SLC25A20: variants seen among roughly 807,000 people sequenced by gnomAD.
SLC25A20 encodes mitochondrial carnitine/acylcarnitine carrier protein.
SLC25A20 carries 29 observed loss-of-function variants against 39.7 expected under a neutral mutation model. The ratio of observed to expected loss-of-function variants is 0.73; its 90% CI spans 0.54 to 1.00. SLC25A20 has a LOEUF of 1.00. Among genes scored for constraint, SLC25A20 ranks in the 50% least tolerant of loss-of-function variants. SLC25A20 has a pLI of 0.00. For synonymous variants in SLC25A20, 103 were observed against 142.2 expected, an observed-to-expected ratio of 0.72 and a Z score of 1.96; for missense variants, 333 against 379.9, an observed-to-expected ratio of 0.88 and a Z score of 1.03.
chr3:48,896,738 G>A (rs1039614039), intron 1 of SLC25A20, among the ~76,000 whole-genome samples: 9 of 151,028 alleles, frequency 6.0e-5, no homozygotes, highest in Admixed American at 2.7e-4. Flanking sequence ...GGCTGGTCTC[G>A]AACTCCTGAC....
At chr3:48,877,955 C>T (rs2083770745) in intron 4 of SLC25A20, among the ~76,000 whole-genome samples, 1 of 151,950 alleles carries the variant, frequency 6.6e-6, no homozygotes, top group African/African-American at 2.4e-5. Flanking sequence ...ACTACGATTG[C>T]TTTTGTTTCT....
At position 48,859,662 on chromosome 3, in the gene SLC25A20, A is replaced by G. The variant is rs1183618669; in HGVS notation, c.536-35T>C. On this transcript the variant is annotated intron_variant, in intron 5 of 8. Coordinates refer to ENST00000319017, the MANE Select transcript of SLC25A20 (RefSeq NM_000387.6). ...GCAAGAAAAAGGTGAATTAAAGTAC[A>G]TAAACTCTTCGCCAGGCATGGTGGT... 2.0e-6 allele frequency: 3 copies of G among 1,518,754 alleles called. No individual in the cohort carries two copies. The South Asian group carries it at 3.4e-5, about 17-fold the overall frequency. The allele number at this position is 1,518,754 out of a possible 1,614,324, so 94.1% of individuals were successfully genotyped here.
At chr3:48,871,744 G>T (rs1297137423) in intron 4 of SLC25A20, among the ~76,000 whole-genome samples, 1 of 146,038 alleles carries the variant, frequency 6.8e-6, no homozygotes, top group African/African-American at 2.5e-5. Context: ...TCCAGCCTGG[G>T]CAACAAAGAG....
At chr3:48,876,803 T>C (rs767916943) in intron 4 of SLC25A20, among the ~76,000 whole-genome samples, 1 of 151,662 alleles carries the variant, frequency 6.6e-6, no homozygotes, top group Non-Finnish European at 1.5e-5. Flanking sequence ...GGACAAATGT[T>C]AGAAACACAT....
intron 4 of SLC25A20, among the ~76,000 whole-genome samples, chr3:48,866,234 G>C (rs1471513013): frequency 1.3e-5 from 2 of 151,956 alleles, no homozygotes; most frequent in African/African-American, 2.4e-5. Flanking sequence ...AATTAGAGGA[G>C]AGGAACTGGA....
At chr3:48,880,574 CTT>C (rs35306259) in intron 3 of SLC25A20, among the ~76,000 whole-genome samples, 132 of 73,084 alleles carry the variant, frequency 1.8e-3, no homozygotes, top group East Asian at 3.0e-3. Context: ...CTGTGCCCGG[CTT>C]TTTTTTTTTT....
At chr3:48,863,655 C>T (rs1467079449) in intron 4 of SLC25A20, among the ~76,000 whole-genome samples, 1 of 152,148 alleles carries the variant, frequency 6.6e-6, no homozygotes, top group African/African-American at 2.4e-5. Flanking sequence ...TTAACAGTTC[C>T]AAAGAGAAAC....
At chr3:48,877,921 T>C (rs1487720545) in intron 4 of SLC25A20, among the ~76,000 whole-genome samples, 2 of 152,118 alleles carry the variant, frequency 1.3e-5, no homozygotes, top group Non-Finnish European at 2.9e-5. Context: ...GTTGGTTTGT[T>C]ATAATGTACT....
chr3:48,884,037 C>G lies in SLC25A20; in HGVS notation c.286G>C (p.Gly96Arg). 1 of 1,613,890 alleles carries G rather than the reference C, an allele frequency of 6.2e-7. No homozygotes were observed. The highest frequency in any genetic ancestry group is 2.2e-5 in the East Asian group (1 of 44,852). Residue 96 changes from glycine to arginine, a missense_variant, in exon 3 of 9, where the codon GGG becomes CGG. Transcript: ENST00000319017. ...GGGTGTTTCTGTTGTAGTTTCTTCC[C>G]CAAACCAAACCCAAAGAAGCACACG... ...FAVCFFGFGL[G>R]KKLQQKHPED...
rs561822045 is a variant in SLC25A20 at position 48,857,481 on chromosome 3, T to C, written c.*229A>G. The C allele has an allele frequency of 1.8e-6, 1 of 557,664 alleles. No individual in the cohort carries two copies. The highest frequency in any genetic ancestry group is 3.1e-5 in the East Asian group (1 of 31,944). The allele number at this position is 557,664 out of a possible 1,614,324, so 34.5% of individuals were successfully genotyped here. A position where few individuals can be genotyped will look rare whatever the true frequency, so the allele number is the denominator to read the frequency against. The stretch of plus-strand genomic sequence containing the variant: ...CTACTTGTTCCATTTCCAAATCCTT[T>C]TAAGATCCCTTAAATTGATAAGAAT... On this transcript the variant is annotated 3_prime_UTR_variant, in exon 9 of 9. Coordinates refer to ENST00000319017, the MANE Select transcript of SLC25A20 (RefSeq NM_000387.6).
At chr3:48,882,639 C>A (rs1010902395) in intron 3 of SLC25A20, among the ~76,000 whole-genome samples, 1 of 152,124 alleles carries the variant, frequency 6.6e-6, no homozygotes. Context: ...AAGAGAATTG[C>A]TTGGCTCCAG....
At position 48,871,982 on chromosome 3, in the gene SLC25A20, ATTTTTTTTTTTT is replaced by A. The variant is rs71077746; in HGVS notation, c.417+7364_417+7375del. ...AGGTGCATACCACCATGCCCAGCTA[ATTTTTTTTTTTT>A]TTTTTTTTTTTTTTTTTAGAGATGG... On this transcript the variant is annotated intron_variant, in intron 4 of 8. Transcript: ENST00000319017. Among the ~76,000 whole-genome samples, 307 of 56,728 alleles carry A rather than the reference ATTTTTTTTTTTT, an allele frequency of 5.4e-3. 1 individual carries two copies. The highest frequency in any genetic ancestry group is 8.4e-3 in the Non-Finnish European group (276 of 32,714). 37.2% of individuals were successfully genotyped at this position (56,728 alleles called of 152,430 possible).
chr3:48,893,886 C>A (rs1276655599), intron 1 of SLC25A20, among the ~76,000 whole-genome samples: 2 of 148,162 alleles, frequency 1.3e-5, no homozygotes, highest in Non-Finnish European at 1.5e-5. Flanking sequence ...GGAGGCCAGG[C>A]GCGGTGGCTC....
chr3:48,857,515 G>A lies in SLC25A20; in HGVS notation c.*195C>T, dbSNP rs1190564730. 1.6e-6 allele frequency: 1 copy of A among 607,370 alleles called. No homozygotes were observed. The highest frequency in any genetic ancestry group is 3.0e-6 in the Non-Finnish European group (1 of 332,824). The allele number at this position is 607,370 out of a possible 1,614,324, so 37.6% of individuals were successfully genotyped here. A position where few individuals can be genotyped will look rare whatever the true frequency, so the allele number is the denominator to read the frequency against. The stretch of plus-strand genomic sequence containing the variant: ...CTTAAATTGATAAGAATGAATTCAA[G>A]TTTCAAAATGACACACTAAGTTATA... On this transcript the variant is annotated 3_prime_UTR_variant, in exon 9 of 9. Transcript: ENST00000319017.
In SLC25A20 at chr3:48,859,110, T is replaced by G; in HGVS notation, c.700A>C (p.Lys234Gln). 1 of 1,613,960 alleles carries G rather than the reference T, an allele frequency of 6.2e-7. No homozygotes were observed. The highest frequency in any genetic ancestry group is 8.5e-7 in the Non-Finnish European group (1 of 1,179,948). ...CACTCACCAGTCTGGAATCGAGACT[T>G]GAGCACATCTGGGGGGATTGCCACA... ...WAVAIPPDVLKSRFQTAPPGK... is the reference protein window; with the variant it reads ...WAVAIPPDVLQSRFQTAPPGK... The change falls in exon 7 of 9, where the codon AAG becomes CAG. Residue 234 changes from lysine (K) to glutamine (Q), a missense_variant. Coordinates refer to ENST00000319017, the MANE Select transcript of SLC25A20 (RefSeq NM_000387.6).
At chr3:48,871,449 T>C (rs1246464877) in intron 4 of SLC25A20, among the ~76,000 whole-genome samples, 3 of 151,670 alleles carry the variant, frequency 2.0e-5, no homozygotes, top group South Asian at 4.2e-4. Context: ...GGTGAAGAGA[T>C]AGACATATAG....
chr3:48,857,804 A>G, intron 8 of SLC25A20, 32 bp from the exon 9 acceptor site: 1 of 1,598,114 alleles, frequency 6.3e-7, no homozygotes, highest in Non-Finnish European at 8.6e-7. Context: ...GAAAAAAGCC[A>G]GCAGGAATAA....
intron 1 of SLC25A20, among the ~76,000 whole-genome samples, chr3:48,896,881 C>T (rs1269266515): frequency 6.6e-6 from 1 of 151,856 alleles, no homozygotes; most frequent in Non-Finnish European, 1.5e-5. Flanking sequence ...TCACTCCTGC[C>T]TTCCCATCAG....
chr3:48,870,690 T>C (rs941659777), intron 4 of SLC25A20, among the ~76,000 whole-genome samples: 2 of 151,782 alleles, frequency 1.3e-5, no homozygotes, highest in African/African-American at 4.8e-5. Context: ...ATTTTTTTTT[T>C]TTAAGAGATG....
Sources: gnomAD v4.1 joint callset for allele counts (sites outside exome capture counted in the v4.1 genomes callset) on GRCh38, gnomAD v4.1.1 for gene constraint, MANE v1.5 for transcripts, NCBI Gene and HGNC (gene_info 2026-07-23, HGNC 2026-07-21) for gene names.